Variants in PTPRN2 observed in about 807,000 individuals in gnomAD.
The protein encoded by PTPRN2 is receptor-type tyrosine-protein phosphatase N2.
A neutral mutation model predicts 118.8 loss-of-function variants in PTPRN2; 74 were observed. That is an observed-to-expected ratio of 0.62 (90% CI 0.52 to 0.76). PTPRN2 has a LOEUF of 0.76. PTPRN2 is among the 30% of genes least tolerant of loss of function. The pLI is 0.00. For synonymous variants in PTPRN2, 641 were observed against 608.0 expected (o/e 1.05, Z -0.80); for missense variants, 1,481 against 1,394.4 (o/e 1.06, Z -0.99).
At chr7:158,431,868 T>A (rs1423816727) in intron 2 of PTPRN2, among the ~76,000 whole-genome samples, 1 of 152,240 alleles carries the variant, frequency 6.6e-6, no homozygotes, top group Non-Finnish European at 1.5e-5. Context: ...CAGGGGAAGC[T>A]GTGTCTGAGT....
intron 12 of PTPRN2, among the ~76,000 whole-genome samples, chr7:157,684,921 C>G (rs1797100381): frequency 6.6e-6 from 1 of 151,888 alleles, no homozygotes; most frequent in Non-Finnish European, 1.5e-5. Context: ...GCCGCGACCC[C>G]GGATGCGAGA....
intron 12 of PTPRN2, among the ~76,000 whole-genome samples, chr7:157,704,524 C>T (rs1276311842): frequency 2.0e-5 from 3 of 152,180 alleles, no homozygotes; most frequent in Non-Finnish European, 4.4e-5. Flanking sequence ...GCCTGAAGGT[C>T]CCACCCTCGG....
Position 157,615,853 on chromosome 7 carries a change from C to T in PTPRN2, c.2344+5509G>A. The stretch of plus-strand genomic sequence containing the variant: ...GGGGTGCGCGAGGCCCTGGGCTCCA[C>T]CGAAGACCTTAAGGAAAAGACTCTG... On this transcript the variant is annotated intron_variant, in intron 15 of 22. Coordinates refer to ENST00000389418, the MANE Select transcript of PTPRN2 (RefSeq NM_002847.5). This position sits in a 1 kb window ranked among gnomAD's most constrained non-coding sequence, Gnocchi z 4.3. The T allele has an allele frequency of 8.5e-6, 3 of 351,916 alleles. No homozygotes were observed. Among genetic ancestry groups the T allele is most frequent in the South Asian group, 6.5e-5 (3 of 46,214 alleles). 21.8% of individuals were successfully genotyped at this position (351,916 alleles called of 1,614,324 possible).
In PTPRN2 at chr7:157,613,894, G is replaced by A. The variant is rs891228880; in HGVS notation, c.2344+7468C>T. ...GGGTCTCTCACCACGAGCAGACCTCGGCGCTGCTATCCGGACTCCTCGAGC... is the reference window on the plus strand; with the variant it reads ...GGGTCTCTCACCACGAGCAGACCTCAGCGCTGCTATCCGGACTCCTCGAGC... On this transcript the variant is annotated intron_variant, in intron 15 of 22. Coordinates refer to ENST00000389418, the MANE Select transcript of PTPRN2 (RefSeq NM_002847.5). The A allele has an allele frequency of 1.3e-5, 5 of 386,244 alleles. No individual in the cohort carries two copies. The East Asian group carries it at 3.7e-4, about 29-fold the overall frequency. 23.9% of individuals were successfully genotyped at this position (386,244 alleles called of 1,614,324 possible). A position where few individuals can be genotyped will look rare whatever the true frequency, so the allele number is the denominator to read the frequency against.
chr7:158,264,892 T>C (rs1225585005), intron 3 of PTPRN2, among the ~76,000 whole-genome samples: 1 of 151,912 alleles, frequency 6.6e-6, no homozygotes, highest in Non-Finnish European at 1.5e-5. Flanking sequence ...TCCCATGGAG[T>C]TTTGGGGTCC....
intron 2 of PTPRN2, among the ~76,000 whole-genome samples, chr7:158,404,541 G>A (rs1813201653): frequency 6.6e-6 from 1 of 152,112 alleles, no homozygotes; most frequent in Admixed American, 6.5e-5. Context: ...GCAATTGCTG[G>A]CTGCATTCCT....
chr7:158,071,619 G>C (rs1563392463), intron 11 of PTPRN2, among the ~76,000 whole-genome samples: 3 of 135,266 alleles, frequency 2.2e-5, no homozygotes, highest in African/African-American at 5.3e-5. Flanking sequence ...GCTCGTGGTG[G>C]AGGTGCTCGT....
At chr7:158,383,914 T>G (rs1034406146) in intron 2 of PTPRN2, among the ~76,000 whole-genome samples, 4 of 152,248 alleles carry the variant, frequency 2.6e-5, no homozygotes, top group African/African-American at 9.6e-5. Flanking sequence ...AGAGCCACTA[T>G]GCTCCGGAAA....
At chr7:158,363,390 G>T (rs115487938) in intron 2 of PTPRN2, among the ~76,000 whole-genome samples, 1 of 152,122 alleles carries the variant, frequency 6.6e-6, no homozygotes, top group Admixed American at 6.5e-5. Flanking sequence ...TCACACCCAC[G>T]CTGGAACCAC....
chr7:158,109,438 G>T (rs1197895062), intron 10 of PTPRN2, among the ~76,000 whole-genome samples: 1 of 146,940 alleles, frequency 6.8e-6, no homozygotes, highest in Non-Finnish European at 1.5e-5. Context: ...GTGAGTGAAT[G>T]ATGTCACCCC....
At chr7:158,060,898 T>C (rs1201743348) in intron 11 of PTPRN2, among the ~76,000 whole-genome samples, 1 of 152,262 alleles carries the variant, frequency 6.6e-6, no homozygotes, top group Non-Finnish European at 1.5e-5. Flanking sequence ...GTTTCCTTTA[T>C]TAAGTTATTT....
chr7:157,741,031 C>A (rs936145987), intron 12 of PTPRN2, among the ~76,000 whole-genome samples: 9 of 152,276 alleles, frequency 5.9e-5, no homozygotes, highest in Non-Finnish European at 1.2e-4. Flanking sequence ...TCAGATGCTA[C>A]TGAAACGAGC....
At chr7:157,875,415 C>T (rs1028765469) in intron 12 of PTPRN2, among the ~76,000 whole-genome samples, 5 of 152,138 alleles carry the variant, frequency 3.3e-5, no homozygotes, top group East Asian at 1.9e-4. Flanking sequence ...AACCTTGCTC[C>T]GGGTCACACG....
intron 10 of PTPRN2, among the ~76,000 whole-genome samples, chr7:158,104,486 T>G (rs1325092280): frequency 1.3e-5 from 2 of 151,346 alleles, no homozygotes; most frequent in Non-Finnish European, 2.9e-5. Context: ...AAAAAGGAGA[T>G]GAAGACTATA....
intron 12 of PTPRN2, among the ~76,000 whole-genome samples, chr7:157,809,944 T>C (rs73511094): frequency 0.02 from 2,979 of 152,186 alleles, 100 homozygotes; most frequent in African/African-American, 0.065. Context: ...AGGACTGTAA[T>C]GGGTCATGGA....
intron 14 of PTPRN2, 138 bp from the exon 15 acceptor site, chr7:157,621,647 C>T (rs920858048): frequency 3.0e-5 from 32 of 1,049,632 alleles, no homozygotes; most frequent in Middle Eastern, 2.1e-4. Context: ...CATGGTGCGA[C>T]GTTGTGCTAC....
chr7:158,477,965 G>A (rs966306933), intron 2 of PTPRN2, among the ~76,000 whole-genome samples: 3 of 152,364 alleles, frequency 2.0e-5, no homozygotes, highest in South Asian at 2.1e-4. Context: ...CCAGGAAAGA[G>A]GGAGGCACCT....
intron 6 of PTPRN2, among the ~76,000 whole-genome samples, chr7:158,160,229 G>T (rs1319007757): frequency 6.6e-6 from 1 of 152,226 alleles, no homozygotes; most frequent in African/African-American, 2.4e-5. Flanking sequence ...GTTTCTGGGA[G>T]GTGTCTCCAG....
intron 3 of PTPRN2, among the ~76,000 whole-genome samples, chr7:158,205,807 T>C (rs1321002373): frequency 6.6e-6 from 1 of 152,144 alleles, no homozygotes; most frequent in Non-Finnish European, 1.5e-5. Flanking sequence ...GGACTTGGTA[T>C]TGGAACTCGG....
Sources: gnomAD v4.1 joint callset for allele counts (sites outside exome capture counted in the v4.1 genomes callset) on GRCh38, gnomAD v4.1.1 for gene constraint, Gnocchi (gnomAD v3.1) non-coding constraint, MANE v1.5 for transcripts, NCBI Gene and HGNC (gene_info 2026-07-23, HGNC 2026-07-21) for gene names.